GPR39: variants seen among roughly 807,000 people sequenced by gnomAD.
GPR39 encodes zinc sensing receptor.
GPR39 carries 23 observed loss-of-function variants against 18.4 expected under a neutral mutation model. That is an observed-to-expected ratio of 1.25 (90% CI 0.90 to 1.77). The LOEUF (loss-of-function observed/expected upper bound fraction) is 1.77, where lower values mean the gene tolerates loss of function less well. Ranked by LOEUF, GPR39 falls within the 40% of genes most tolerant of loss-of-function variation. GPR39 has a pLI of 0.00. For missense variants in GPR39, 647 were observed against 602.4 expected (o/e 1.07, Z -0.78); for synonymous variants, 280 against 257.9 (o/e 1.09, Z -0.82).
chr2:132,581,338 T>A (rs1680619709), intron 1 of GPR39, among the ~76,000 whole-genome samples: 1 of 54,774 alleles, frequency 1.8e-5, no homozygotes, highest in Non-Finnish European at 3.0e-5. Context: ...GATAGTGACT[T>A]TTTTTTTTTT....
intron 1 of GPR39, among the ~76,000 whole-genome samples, chr2:132,516,602 C>T (rs4524172): frequency 0.64 from 97,850 of 152,104 alleles, 32,236 homozygotes; most frequent in East Asian, 0.75. Flanking sequence ...ATTTTTCAGC[C>T]GGCCACACTC....
chr2:132,497,573 G>A (rs533208841), intron 1 of GPR39, among the ~76,000 whole-genome samples: 3 of 152,296 alleles, frequency 2.0e-5, no homozygotes, highest in African/African-American at 7.2e-5. Flanking sequence ...AAAGGTGAAT[G>A]TTGGACTCAC....
intron 1 of GPR39, among the ~76,000 whole-genome samples, chr2:132,430,920 A>G (rs956099349): frequency 1.3e-5 from 2 of 151,996 alleles, no homozygotes; most frequent in African/African-American, 4.8e-5. Flanking sequence ...TCTCTCTTAT[A>G]TCCCTGGACT....
chr2:132,436,786 C>T (rs548272964), intron 1 of GPR39, among the ~76,000 whole-genome samples: 54 of 152,320 alleles, frequency 3.5e-4, no homozygotes, highest in African/African-American at 1.3e-3. Context: ...GTCCATCTCT[C>T]TCTGCCTCAG....
At chr2:132,526,760 T>G (rs1396890979) in intron 1 of GPR39, among the ~76,000 whole-genome samples, 1 of 152,110 alleles carries the variant, frequency 6.6e-6, no homozygotes, top group African/African-American at 2.4e-5. Context: ...AGCTCCTATA[T>G]TAACTGTGCT....
chr2:132,432,813 T>A (rs1284876022), intron 1 of GPR39, among the ~76,000 whole-genome samples: 1 of 152,168 alleles, frequency 6.6e-6, no homozygotes, highest in Non-Finnish European at 1.5e-5. Flanking sequence ...CTTGACAAAT[T>A]ACTCAGGACC....
chr2:132,499,122 A>G lies in GPR39; in HGVS notation c.856+81224A>G, dbSNP rs150799905. Among the ~76,000 whole-genome samples the G allele has an allele frequency of 6.0e-3, 918 of 152,278 alleles. 7 individuals are homozygous for G. The highest frequency in any genetic ancestry group is 0.034 in the Middle Eastern group (10 of 294). On this transcript the variant is annotated intron_variant, in intron 1 of 1. Transcript: ENST00000329321. The stretch of plus-strand genomic sequence containing the variant: ...TTTGCTTTTGGGTTCTTGGTCATGA[A>G]GGCTTTGCCTAAGCCAATGTCTAGA...
At chr2:132,622,731 T>G (rs1484825451) in intron 1 of GPR39, among the ~76,000 whole-genome samples, 2 of 152,210 alleles carry the variant, frequency 1.3e-5, no homozygotes, top group African/African-American at 2.4e-5. Context: ...AAAGGAATAC[T>G]TAAGTTAAAA....
chr2:132,527,288 A>G (rs573479077), intron 1 of GPR39, among the ~76,000 whole-genome samples: 9 of 152,292 alleles, frequency 5.9e-5, no homozygotes, highest in Admixed American at 3.9e-4. Flanking sequence ...TTCTATGGCT[A>G]CATAGTATTC....
Position 132,417,016 on chromosome 2 carries a change from G to A in GPR39, c.-27G>A, listed in dbSNP as rs1271232304. The A allele has an allele frequency of 1.9e-6, 3 of 1,605,466 alleles. No individual in the cohort carries two copies. The African/African-American group carries it at 4.0e-5, about 21-fold the overall frequency. On this transcript the variant is annotated 5_prime_UTR_variant, in exon 1 of 2. Transcript: ENST00000329321. ...AGAAAGGGAAGTTGAGAAAGTCTTT[G>A]GACCTGGTAGCCTGGTGCTCTTTCT...
chr2:132,417,035 T>G lies in GPR39; in HGVS notation c.-8T>G, dbSNP rs187530659. ...GTCTTTGGACCTGGTAGCCTGGTGC[T>G]CTTTCTCATGGCTTCACCCAGCCTC... On this transcript the variant is annotated 5_prime_UTR_variant, in exon 1 of 2. Coordinates refer to ENST00000329321, the MANE Select transcript of GPR39 (RefSeq NM_001508.3). 14 of 1,611,422 alleles carry G rather than the reference T, an allele frequency of 8.7e-6. No homozygotes were observed. In the African/African-American group the frequency reaches 1.3e-4, roughly 15 times the overall value.
intron 1 of GPR39, among the ~76,000 whole-genome samples, chr2:132,512,595 A>G (rs1175546782): frequency 6.6e-6 from 1 of 152,200 alleles, no homozygotes; most frequent in Non-Finnish European, 1.5e-5. Flanking sequence ...CAGGAGAGTT[A>G]CCTCATCTCC....
chr2:132,536,896 T>C (rs1239741162), intron 1 of GPR39, among the ~76,000 whole-genome samples: 1 of 152,228 alleles, frequency 6.6e-6, no homozygotes, highest in African/African-American at 2.4e-5. Flanking sequence ...CAACCCCTGC[T>C]TTTTCTTTGC....
chr2:132,440,981 G>T (rs776711503), intron 1 of GPR39, among the ~76,000 whole-genome samples: 24 of 152,272 alleles, frequency 1.6e-4, no homozygotes, highest in Non-Finnish European at 1.2e-4. Context: ...TCTGCTGTTT[G>T]TCTATGTGGG....
rs1681642941 is a variant in GPR39, at chr2:132,631,091, G to A, written c.857-14010G>A. On this transcript the variant is annotated intron_variant, in intron 1 of 1. Transcript: ENST00000329321. Reference sequence around the variant, plus strand: ...AGAGTGACGGAGGAGGTACCCCAGGGAGAGGGAAAAAGAAGGGAGGTAGAG... The same window carrying A: ...AGAGTGACGGAGGAGGTACCCCAGGAAGAGGGAAAAAGAAGGGAGGTAGAG... Among the ~76,000 whole-genome samples the A allele has an allele frequency of 2.0e-5, 3 of 152,268 alleles. No homozygotes were observed. In the South Asian group the frequency reaches 6.2e-4, roughly 32 times the overall value.
chr2:132,549,316 C>T (rs3115023), intron 1 of GPR39, among the ~76,000 whole-genome samples: 34,813 of 152,008 alleles, frequency 0.23, 4,211 homozygotes, highest in African/African-American at 0.3. Context: ...GGTAGGCATT[C>T]GAGGGAGGTC....
intron 1 of GPR39, among the ~76,000 whole-genome samples, chr2:132,567,274 A>C (rs1455598746): frequency 6.6e-6 from 1 of 152,126 alleles, no homozygotes; most frequent in Non-Finnish European, 1.5e-5. Flanking sequence ...GTGAGCCGAG[A>C]TTGCACCACT....
chr2:132,497,823 T>G (rs969041543), intron 1 of GPR39, among the ~76,000 whole-genome samples: 1 of 151,502 alleles, frequency 6.6e-6, no homozygotes, highest in Non-Finnish European at 1.5e-5. Context: ...ACAGATTATC[T>G]CTGTGGATGT....
intron 1 of GPR39, among the ~76,000 whole-genome samples, chr2:132,503,079 A>G (rs1275587265): frequency 6.6e-6 from 1 of 152,118 alleles, no homozygotes; most frequent in East Asian, 1.9e-4. Context: ...CAAATCAGAG[A>G]TTTTGTCTTG....
Sources: allele counts gnomAD v4.1 joint callset (sites outside exome capture counted in the v4.1 genomes callset), GRCh38; gene constraint gnomAD v4.1.1; transcripts MANE v1.5; gene names NCBI Gene and HGNC (gene_info 2026-07-23, HGNC 2026-07-21).